The following WDR49 variants were observed in gnomAD, a reference collection of about 807,000 sequenced individuals.
WDR49 encodes WD repeat domain 49.
In WDR49, 107 loss-of-function variants were observed where a neutral mutation model predicts 119.5. The observed-to-expected ratio is 0.90, with a 90% CI of 0.77 to 1.05. The LOEUF (loss-of-function observed/expected upper bound fraction) is 1.05, where lower values mean the gene tolerates loss of function less well. WDR49 is among the 50% of genes least tolerant of loss of function. WDR49 has a pLI of 0.00. For synonymous variants in WDR49, 425 were observed against 418.8 expected, an observed-to-expected ratio of 1.01 and a Z score of -0.18; for missense variants, 1,240 against 1,220.5, an observed-to-expected ratio of 1.02 and a Z score of -0.24.
intron 8 of WDR49, among the ~76,000 whole-genome samples, chr3:167,568,370 C>T (rs1315942552): frequency 6.6e-6 from 1 of 152,120 alleles, no homozygotes; most frequent in Non-Finnish European, 1.5e-5. Context: ...ATAATAACTG[C>T]TCATTCTCTA....
chr3:167,571,846 CATTT>C (rs1455701292), intron 8 of WDR49, among the ~76,000 whole-genome samples: 1 of 152,014 alleles, frequency 6.6e-6, no homozygotes, highest in Non-Finnish European at 1.5e-5. Flanking sequence ...TTGTAAATAC[CATTT>C]ACTCTATTAA....
intron 2 of WDR49, among the ~76,000 whole-genome samples, chr3:167,646,126 G>A (rs1718117575): frequency 6.6e-6 from 1 of 152,084 alleles, no homozygotes; most frequent in African/African-American, 2.4e-5. Flanking sequence ...TTTGGGTAAT[G>A]GCCCAGGTCA....
chr3:167,639,375 A>G (rs1717774787), intron 2 of WDR49, among the ~76,000 whole-genome samples: 1 of 151,690 alleles, frequency 6.6e-6, no homozygotes, highest in Non-Finnish European at 1.5e-5. Flanking sequence ...GCTTATTAAG[A>G]AAAGACTTCT....
chr3:167,551,118 G>A (rs1712534119), intron 10 of WDR49, among the ~76,000 whole-genome samples: 1 of 151,930 alleles, frequency 6.6e-6, no homozygotes, highest in African/African-American at 2.4e-5. Context: ...ATGAATGACT[G>A]TATTCCCAAA....
chr3:167,538,558 T>C (rs1711608146), intron 10 of WDR49, among the ~76,000 whole-genome samples: 1 of 152,126 alleles, frequency 6.6e-6, no homozygotes, highest in Non-Finnish European at 1.5e-5. Flanking sequence ...GGCACATTCT[T>C]CATCTGGCTA....
At chr3:167,630,805 ATG>A (rs1312438770) in intron 2 of WDR49, among the ~76,000 whole-genome samples, 1 of 152,142 alleles carries the variant, frequency 6.6e-6, no homozygotes, top group Non-Finnish European at 1.5e-5. Flanking sequence ...ATTTTGTTTT[ATG>A]TGTGTTTCTG....
intron 10 of WDR49, among the ~76,000 whole-genome samples, chr3:167,542,837 G>T (rs1711925751): frequency 6.6e-6 from 1 of 151,760 alleles, no homozygotes; most frequent in Non-Finnish European, 1.5e-5. Flanking sequence ...AAATGCAAAA[G>T]ATAAATGCAA....
In WDR49 at chr3:167,606,551, A is replaced by G. The variant is rs563349901; in HGVS notation, c.959-2083T>C. On this transcript the variant is annotated intron_variant, in intron 5 of 18. Transcript: ENST00000682715. ...TAAATGAGTGTAACTGTCCCTTGAT[A>G]CTGGCATATTGCTAATAGCAGAACA... is the stretch of plus-strand genomic sequence containing the variant. 3.3e-5 allele frequency among the ~76,000 whole-genome samples: 5 copies of G among 152,334 alleles called. No homozygotes were observed. In the East Asian group the frequency reaches 9.6e-4, roughly 29 times the overall value.
intron 16 of WDR49, among the ~76,000 whole-genome samples, chr3:167,516,591 A>T (rs1293411082): frequency 4.6e-5 from 7 of 152,086 alleles, no homozygotes; most frequent in Non-Finnish European, 1.0e-4. Flanking sequence ...GCAGCATGAT[A>T]TATGATCCTT....
At chr3:167,597,474 C>A (rs929912629) in intron 7 of WDR49, among the ~76,000 whole-genome samples, 1 of 152,162 alleles carries the variant, frequency 6.6e-6, no homozygotes, top group African/African-American at 2.4e-5. Flanking sequence ...CACAGATAGT[C>A]CCCCTGGGGC....
At chr3:167,571,821 T>C (rs1478592149) in intron 8 of WDR49, among the ~76,000 whole-genome samples, 1 of 152,212 alleles carries the variant, frequency 6.6e-6, no homozygotes, top group Non-Finnish European at 1.5e-5. Flanking sequence ...AAAAAAGTTA[T>C]TTTGATAAGA....
rs1389079091 is a variant in WDR49, at chr3:167,646,894, C to A, written c.165+6367G>T. The stretch of plus-strand genomic sequence containing the variant: ...GAGACATGATGAAGGGAGAAAAGAC[C>A]CCAAGGGGCTTTTTCTTGCACAAGT... On this transcript the variant is annotated intron_variant, in intron 2 of 18. Coordinates refer to ENST00000682715, the MANE Select transcript of WDR49 (RefSeq NM_001366157.1). 4.6e-5 allele frequency among the ~76,000 whole-genome samples: 7 copies of A among 152,046 alleles called. No homozygotes were observed. In the East Asian group the frequency reaches 5.8e-4, roughly 13 times the overall value.
At chr3:167,555,492 C>T (rs1018380654) in intron 9 of WDR49, among the ~76,000 whole-genome samples, 25 of 152,286 alleles carry the variant, frequency 1.6e-4, no homozygotes, top group African/African-American at 5.1e-4. Flanking sequence ...CACAAGAATG[C>T]TGATTTACAG....
intron 15 of WDR49, among the ~76,000 whole-genome samples, chr3:167,527,336 C>A (rs531352033): frequency 1.3e-5 from 2 of 151,984 alleles, no homozygotes; most frequent in Non-Finnish European, 2.9e-5. Flanking sequence ...CAGTACCCCA[C>A]GTACACAAGA....
At chr3:167,542,330 T>A (rs1428440446) in intron 10 of WDR49, among the ~76,000 whole-genome samples, 1 of 152,112 alleles carries the variant, frequency 6.6e-6, no homozygotes, top group Non-Finnish European at 1.5e-5. Context: ...AACTGCAGAA[T>A]ATACATCCTT....
intron 10 of WDR49, among the ~76,000 whole-genome samples, chr3:167,554,260 T>C (rs1712778489): frequency 6.6e-6 from 1 of 152,180 alleles, no homozygotes; most frequent in Admixed American, 6.5e-5. Context: ...CTCAGTTGGC[T>C]ATTTCCCTCT....
Position 167,616,029 on chromosome 3 carries a change from G to A in WDR49, c.958+4400C>T, listed in dbSNP as rs568799928. On this transcript the variant is annotated intron_variant, in intron 5 of 18. Coordinates refer to ENST00000682715, the MANE Select transcript of WDR49 (RefSeq NM_001366157.1). ...TGATTATTTAAAAATCTTCTTAGTC[G>A]GATGTTAGAAGTTAAGTTTCTTGGG... Among the ~76,000 whole-genome samples the A allele has an allele frequency of 1.2e-4, 19 of 152,246 alleles. 1 individual carries two copies. Among genetic ancestry groups the A allele is most frequent in the South Asian group, 6.2e-4 (3 of 4,818 alleles).
At chr3:167,610,227 G>A (rs1188176967) in intron 5 of WDR49, among the ~76,000 whole-genome samples, 1 of 145,432 alleles carries the variant, frequency 6.9e-6, no homozygotes, top group African/African-American at 2.8e-5. Flanking sequence ...GAGTACCCAA[G>A]GCAGGCTCTT....
At chr3:167,547,007 T>C (rs1712246151) in intron 10 of WDR49, among the ~76,000 whole-genome samples, 1 of 151,860 alleles carries the variant, frequency 6.6e-6, no homozygotes, top group East Asian at 1.9e-4. Flanking sequence ...AAATTTTGAA[T>C]ACTAGAATAA....
Sources: gnomAD v4.1 joint callset for allele counts (sites outside exome capture counted in the v4.1 genomes callset) on GRCh38, gnomAD v4.1.1 for gene constraint, MANE v1.5 for transcripts, NCBI Gene and HGNC (gene_info 2026-07-23, HGNC 2026-07-21) for gene names.